Variants in PPM1J observed in about 807,000 individuals in gnomAD.
PPM1J encodes the protein protein phosphatase, Mg2+/Mn2+ dependent 1J.
Under a neutral mutation model 53.3 loss-of-function variants are expected in PPM1J, and 43 were observed. The observed-to-expected ratio is 0.81, with a 90% CI of 0.63 to 1.04. PPM1J has a LOEUF of 1.04. Among genes scored for constraint, PPM1J ranks in the 50% least tolerant of loss-of-function variants. The pLI is 0.00. For synonymous variants in PPM1J, 267 were observed against 286.4 expected (o/e 0.93, Z 0.68); for missense variants, 635 against 685.9 (o/e 0.93, Z 0.83).
intron 4 of PPM1J, 72 bp downstream of exon 4, chr1:112,712,273 T>G: frequency 8.0e-7 from 1 of 1,255,492 alleles, no homozygotes; most frequent in Non-Finnish European, 1.1e-6. Flanking sequence ...CCCTGCCACC[T>G]TACTCTCCTG....
chr1:112,711,458 G>C (rs777501471), intron 5 of PPM1J, 74 bp from the exon 6 acceptor site: 2 of 827,210 alleles, frequency 2.4e-6, no homozygotes, highest in Admixed American at 2.2e-5. Context: ...CACAGATGAC[G>C]TTGACTACAG....
In PPM1J at chr1:112,710,542, G is replaced by A. The variant is rs1406967034; in HGVS notation, c.1288C>T (p.Leu430=). 6.2e-7 allele frequency: 1 copy of A among 1,614,214 alleles called. No homozygotes were observed. The highest frequency in any genetic ancestry group is 1.1e-5 in the South Asian group (1 of 91,084). ...DDVLVLGTDG[L]WDVTTDCEVA... is the part of the protein sequence containing the mutation. The stretch of plus-strand genomic sequence containing the variant: ...TCACAGTCAGTAGTGACATCCCACA[G>A]GCCATCTGTTCCCAGGACTAGCACA... The change falls in exon 9 of 10, where the codon CTG becomes TTG. Residue 430 remains leucine (L), a synonymous_variant. Coordinates refer to ENST00000309276, the MANE Select transcript of PPM1J (RefSeq NM_005167.7).
In PPM1J at chr1:112,710,738, G is replaced by A; in HGVS notation, c.1218+6C>T. 6.2e-7 allele frequency: 1 copy of A among 1,613,294 alleles called. No individual in the cohort carries two copies. Among genetic ancestry groups the A allele is most frequent in the Non-Finnish European group, 8.5e-7 (1 of 1,179,224 alleles). ...GAGAAGGCAAGGTGTGGTTTAAGGGGCTCACCTCAGGGAAGCAGGAGAGAA... is the reference window on the plus strand; with the variant it reads ...GAGAAGGCAAGGTGTGGTTTAAGGGACTCACCTCAGGGAAGCAGGAGAGAA... On this transcript the variant is annotated splice_donor_region_variant and intron_variant, in intron 8 of 9. Coordinates refer to ENST00000309276, the MANE Select transcript of PPM1J (RefSeq NM_005167.7).
In PPM1J at chr1:112,715,214, T is replaced by A; in HGVS notation, c.88A>T (p.Asn30Tyr). Residue 30 changes from asparagine to tyrosine, a missense_variant, in exon 1 of 10, where the codon AAC becomes TAC. Asn to Tyr is a moderately radical substitution (Grantham distance 143). Coordinates refer to ENST00000309276, the MANE Select transcript of PPM1J (RefSeq NM_005167.7). This position sits in a 1 kb window ranked among gnomAD's most constrained non-coding sequence, Gnocchi z 4.4. ...GCGGCGGGCGGCGCCGAGGCGGCGT[T>A]GGGCAGGTCCGGGGATTTGGGGCGC... is the stretch of plus-strand genomic sequence containing the variant. ...PPRPKSPDLP[N>Y]AASAPPAAAP... 1 of 1,379,942 alleles carries A rather than the reference T, an allele frequency of 7.2e-7. No individual in the cohort carries two copies. Among genetic ancestry groups the A allele is most frequent in the Non-Finnish European group, 9.3e-7 (1 of 1,074,376 alleles). The allele number at this position is 1,379,942 out of a possible 1,614,324, so 85.5% of individuals were successfully genotyped here. A position where few individuals can be genotyped will look rare whatever the true frequency, so the allele number is the denominator to read the frequency against.
At chr1:112,714,878 G>A in intron 1 of PPM1J, 98 bp downstream of exon 1, 2 of 1,317,532 alleles carry the variant, frequency 1.5e-6, no homozygotes, top group Non-Finnish European at 9.7e-7. Flanking sequence ...CTCCTGGCCC[G>A]GACGCGGCGT....
chr1:112,710,004 C>T lies in PPM1J; in HGVS notation c.*159G>A. On this transcript the variant is annotated 3_prime_UTR_variant, in exon 10 of 10. Transcript: ENST00000309276. ...GCAAATACAGACACACACCTTTATCCATCTCGTTTATTTGCCAATAGCTGT... is the reference window on the plus strand; with the variant it reads ...GCAAATACAGACACACACCTTTATCTATCTCGTTTATTTGCCAATAGCTGT... 1 of 1,441,996 alleles carries T rather than the reference C, an allele frequency of 6.9e-7. No individual in the cohort carries two copies. The highest frequency in any genetic ancestry group is 9.1e-7 in the Non-Finnish European group (1 of 1,099,000). The allele number at this position is 1,441,996 out of a possible 1,614,324, so 89.3% of individuals were successfully genotyped here. A position where few individuals can be genotyped will look rare whatever the true frequency, so the allele number is the denominator to read the frequency against.
intron 1 of PPM1J, chr1:112,714,675 A>T: frequency 8.3e-7 from 1 of 1,208,334 alleles, no homozygotes; most frequent in East Asian, 3.4e-5. Context: ...GAACTGGCCA[A>T]CTCATCCTTC....
Position 112,713,123 on chromosome 1 carries a change from G to C in PPM1J, c.442-92C>G, listed in dbSNP as rs999586673. The C allele has an allele frequency of 3.3e-6, 4 of 1,194,746 alleles. No individual in the cohort carries two copies. The African/African-American group carries it at 4.6e-5, about 14-fold the overall frequency. The allele number at this position is 1,194,746 out of a possible 1,614,324, so 74.0% of individuals were successfully genotyped here. On this transcript the variant is annotated intron_variant, in intron 2 of 9. Transcript: ENST00000309276. ...TATGCAAGGTGAATAACAAGACTCT[G>C]GGCATCCATACAAACATCTGAGAGG...
At chr1:112,711,882 TG>T (rs1675071517) in intron 5 of PPM1J, 88 bp downstream of exon 5, 2 of 869,366 alleles carry the variant, frequency 2.3e-6, no homozygotes, top group African/African-American at 1.7e-5. Context: ...GTGCCTGTGG[TG>T]GGGGTGTGAG....
chr1:112,713,293 G>A lies in PPM1J; in HGVS notation c.441+204C>T, dbSNP rs529266294. On this transcript the variant is annotated intron_variant, in intron 2 of 9. Coordinates refer to ENST00000309276, the MANE Select transcript of PPM1J (RefSeq NM_005167.7). ...GCAATTAAATCATCCATAAATATGTGAGCCTCTACATTTTAGGTGGGAAAG... is the reference window on the plus strand; with the variant it reads ...GCAATTAAATCATCCATAAATATGTAAGCCTCTACATTTTAGGTGGGAAAG... 9.8e-5 allele frequency among the ~76,000 whole-genome samples: 15 copies of A among 152,312 alleles called. No homozygotes were observed. The Middle Eastern group carries it at 0.01, about 104-fold the overall frequency.
At chr1:112,714,535 G>A (rs1017413801) in intron 1 of PPM1J, 9 of 994,372 alleles carry the variant, frequency 9.1e-6, no homozygotes, top group Non-Finnish European at 1.1e-5. Flanking sequence ...GAGGGACAGG[G>A]AACTGGGGCG....
At chr1:112,712,089 T>C in intron 4 of PPM1J, 34 bp from the exon 5 acceptor site, 2 of 1,540,664 alleles carry the variant, frequency 1.3e-6, no homozygotes, top group Non-Finnish European at 1.8e-6. Flanking sequence ...TGGGACCTGG[T>C]TCTCTTCAGA....
Position 112,710,453 on chromosome 1 carries a change from C to G in PPM1J, c.1370+7G>C. The G allele has an allele frequency of 1.2e-6, 2 of 1,613,624 alleles. No homozygotes were observed. Among genetic ancestry groups the G allele is most frequent in the Non-Finnish European group, 1.7e-6 (2 of 1,179,994 alleles). ...ATCCCCTTACCACCATGCCATGCAG[C>G]CCCTACCTGCTGTGGTCATTAGGCT... is the stretch of plus-strand genomic sequence containing the variant. On this transcript the variant is annotated splice_region_variant and intron_variant, in intron 9 of 9. Coordinates refer to ENST00000309276, the MANE Select transcript of PPM1J (RefSeq NM_005167.7).
Position 112,715,194 on chromosome 1 carries a change from G to A in PPM1J, c.108C>T (p.Pro36=), listed in dbSNP as rs1675171912. ...PDLPNAASAP[P]AAAPEAPRSP... ...TCCTGGGCGCTTCTGGAGCGGCGGCGGGCGGCGCCGAGGCGGCGTTGGGCA... is the reference window on the plus strand; with the variant it reads ...TCCTGGGCGCTTCTGGAGCGGCGGCAGGCGGCGCCGAGGCGGCGTTGGGCA... Residue 36 remains proline (P), a synonymous_variant, in exon 1 of 10, where the codon CCC becomes CCT. Coordinates refer to ENST00000309276, the MANE Select transcript of PPM1J (RefSeq NM_005167.7). This position sits in a 1 kb window ranked among gnomAD's most constrained non-coding sequence, Gnocchi z 4.4. The A allele has an allele frequency of 2.7e-6, 4 of 1,466,224 alleles. No individual in the cohort carries two copies. In the African/African-American group the frequency reaches 4.4e-5, roughly 16 times the overall value. 90.8% of individuals were successfully genotyped at this position (1,466,224 alleles called of 1,614,324 possible). A position where few individuals can be genotyped will look rare whatever the true frequency, so the allele number is the denominator to read the frequency against.
At chr1:112,711,613 A>C in intron 5 of PPM1J, 1 of 553,562 alleles carries the variant, frequency 1.8e-6, no homozygotes, top group Non-Finnish European at 3.2e-6. Flanking sequence ...CGGTCACACA[A>C]TTAGCAAAGC....
At chr1:112,712,535 C>T (rs1675089346) in intron 3 of PPM1J, 78 bp from the exon 4 acceptor site, 1 of 1,346,690 alleles carries the variant, frequency 7.4e-7, no homozygotes, top group Non-Finnish European at 1.0e-6. Flanking sequence ...ACCCCCTCCA[C>T]CCGTAGAAAT....
intron 1 of PPM1J, 98 bp from the exon 2 acceptor site, chr1:112,713,709 A>G: frequency 9.9e-7 from 1 of 1,010,926 alleles, no homozygotes; most frequent in South Asian, 1.3e-5. Flanking sequence ...CCGCTGGCCA[A>G]GCTGAGAAAG....
In PPM1J at chr1:112,714,582, C is replaced by G. The variant is rs1675150991; in HGVS notation, c.326+394G>C. 3 of 1,018,858 alleles carry G rather than the reference C, an allele frequency of 2.9e-6. No individual in the cohort carries two copies. The South Asian group carries it at 1.4e-4, about 47-fold the overall frequency. The allele number at this position is 1,018,858 out of a possible 1,614,324, so 63.1% of individuals were successfully genotyped here. A position where few individuals can be genotyped will look rare whatever the true frequency, so the allele number is the denominator to read the frequency against. On this transcript the variant is annotated intron_variant, in intron 1 of 9. Coordinates refer to ENST00000309276, the MANE Select transcript of PPM1J (RefSeq NM_005167.7). ...AAGCGGGTGAGCGAGTCTTCCCAAC[C>G]GCTATGTCCCCTATTAAAAAGAACC...
In PPM1J at chr1:112,710,202, GAC is replaced by G; in HGVS notation, c.1477_1478del (p.Val493LeufsTer16). On this transcript the variant is annotated frameshift_variant, in exon 10 of 10. Transcript: ENST00000309276. LOFTEE classifies it high-confidence loss of function. ...CTGGCCCTCCCAGGGGGATGACGAA[GAC>G]AGAGATGTCATCCCCGGAACCCAGC... ...NKLGSGDDIS[V>X]FVIPLGGPGS... is the part of the protein sequence containing the mutation. The G allele has an allele frequency of 6.3e-7, 1 of 1,580,152 alleles. No individual in the cohort carries two copies. The highest frequency in any genetic ancestry group is 1.2e-5 in the South Asian group (1 of 86,274).
Sources: gnomAD v4.1 joint callset for allele counts (sites outside exome capture counted in the v4.1 genomes callset) on GRCh38, gnomAD v4.1.1 for gene constraint, Gnocchi (gnomAD v3.1) non-coding constraint, MANE v1.5 for transcripts, NCBI Gene and HGNC (gene_info 2026-07-23, HGNC 2026-07-21) for gene names.